Variants in COL27A1 observed in about 807,000 individuals in gnomAD.
COL27A1 encodes collagen type XXVII alpha 1 chain, also known as collagen alpha-1(XXVII) chain.
In COL27A1, 106 loss-of-function variants were observed where a neutral mutation model predicts 251.3. The ratio of observed to expected loss-of-function variants is 0.42; its 90% confidence interval spans 0.36 to 0.50. The LOEUF (loss-of-function observed/expected upper bound fraction) is 0.50, where lower values mean the gene tolerates loss of function less well. Ranked by LOEUF, COL27A1 falls within the 20% of genes least tolerant of loss-of-function variation. The pLI is 0.00. For synonymous variants in COL27A1, 1,000 were observed against 986.3 expected (o/e 1.01, Z -0.26); for missense variants, 2,325 against 2,522.8 (o/e 0.92, Z 1.68).
intron 5 of COL27A1, among the ~76,000 whole-genome samples, chr9:114,188,321 T>C (rs62555383): frequency 7.6e-4 from 115 of 152,252 alleles, no homozygotes; most frequent in Admixed American, 4.7e-3. Context: ...ACCTGAGAGG[T>C]GATTCTACCT....
chr9:114,197,750 T>C (rs1057036122), intron 7 of COL27A1, among the ~76,000 whole-genome samples: 2 of 152,258 alleles, frequency 1.3e-5, no homozygotes, highest in African/African-American at 2.4e-5. Context: ...GAAAAGCCAC[T>C]GCGCAGCTGG....
At chr9:114,253,241 A>G (rs1033888470) in intron 27 of COL27A1, among the ~76,000 whole-genome samples, 2 of 151,044 alleles carry the variant, frequency 1.3e-5, no homozygotes, top group Non-Finnish European at 2.9e-5. Context: ...CCTGGGTGAT[A>G]GAGCTAGACC....
intron 7 of COL27A1, among the ~76,000 whole-genome samples, chr9:114,198,876 G>T (rs2567712): frequency 0.73 from 110,636 of 152,052 alleles, 41,376 homozygotes; most frequent in Non-Finnish European, 0.8. Context: ...ACCTTGCTGG[G>T]CCTCAGCTGC....
At chr9:114,211,128 C>T in intron 12 of COL27A1, 102 bp downstream of exon 12, 3 of 1,246,500 alleles carry the variant, frequency 2.4e-6, no homozygotes, top group South Asian at 2.4e-5. Flanking sequence ...TCTGCTTCTC[C>T]CCCTGCTTTG....
At chr9:114,248,824 TTC>T (rs1588763343) in intron 24 of COL27A1, among the ~76,000 whole-genome samples, 1 of 152,340 alleles carries the variant, frequency 6.6e-6, no homozygotes. Context: ...GCTATGAAAT[TTC>T]TGTTTCTCTG....
intron 3 of COL27A1, among the ~76,000 whole-genome samples, chr9:114,169,953 G>A (rs759013525): frequency 3.0e-4 from 46 of 152,226 alleles, no homozygotes; most frequent in Non-Finnish European, 5.3e-4. Flanking sequence ...TGTTTGGCAC[G>A]TGCAGTGTTC....
intron 12 of COL27A1, among the ~76,000 whole-genome samples, chr9:114,214,204 C>G (rs542194046): frequency 6.6e-6 from 1 of 152,246 alleles, no homozygotes; most frequent in Non-Finnish European, 1.5e-5. Context: ...TGCTCCCAAC[C>G]CCTTGATCTG....
chr9:114,306,483 C>G (rs748729246), intron 57 of COL27A1, 37 bp from the exon 58 acceptor site: 1 of 1,609,322 alleles, frequency 6.2e-7, no homozygotes, highest in Non-Finnish European at 8.5e-7. Context: ...TGGACCAGGA[C>G]CCTAAGGTCC....
intron 49 of COL27A1, among the ~76,000 whole-genome samples, chr9:114,297,539 A>G (rs760231801): frequency 3.9e-5 from 6 of 152,362 alleles, no homozygotes; most frequent in South Asian, 2.1e-4. Flanking sequence ...AAATCAATCA[A>G]TGTAATACAC....
In COL27A1 at chr9:114,288,480, C is replaced by T; in HGVS notation, c.4013C>T (p.Ala1338Val). The T allele has an allele frequency of 6.2e-7, 1 of 1,609,880 alleles. No individual in the cohort carries two copies. The highest frequency in any genetic ancestry group is 8.5e-7 in the Non-Finnish European group (1 of 1,178,858). ...GGGGAGCAGGGCGAGGACGGCAAGG[C>T]TGAGGGGCCCCCTGGGCCACCTGGA... ...EKGEQGEDGKAEGPPGPPGDR... is the reference protein window; with the variant it reads ...EKGEQGEDGKVEGPPGPPGDR... The change falls in exon 42 of 61, where the codon GCT (alanine) becomes GTT (valine). Residue 1338 changes from alanine to valine, a missense_variant. By Grantham distance (64) the Ala-to-Val change is moderately conservative (BLOSUM62 0). This residue lies in a region of COL27A1 where 662 missense variants were observed against 795.3 expected (regional missense o/e 0.83). Transcript: ENST00000356083.
Position 114,292,134 on chromosome 9 carries a change from C to T in COL27A1, c.4508C>T (p.Pro1503Leu), listed in dbSNP as rs748604003. The T allele has an allele frequency of 3.8e-6, 6 of 1,560,508 alleles. No individual in the cohort carries two copies. The highest frequency in any genetic ancestry group is 1.4e-5 in the African/African-American group (1 of 73,434). Residue 1503 changes from proline (P) to leucine (L), a missense_variant, in exon 49 of 61, where the codon CCC (proline) becomes CTC (leucine). Coordinates refer to ENST00000356083, the MANE Select transcript of COL27A1 (RefSeq NM_032888.4). ...GESGLPGQLGPPGKRGTEGRT... is the reference protein window; with the variant it reads ...GESGLPGQLGLPGKRGTEGRT... ...AGTGGGTTACCCGGACAGCTGGGTC[C>T]CCCTGGCAAGCGAGGAACAGAGGGC... is the stretch of plus-strand genomic sequence containing the variant.
chr9:114,166,368 A>AGTCCATCCATCCATCC (rs1554786336), intron 2 of COL27A1, among the ~76,000 whole-genome samples: 2 of 37,080 alleles, frequency 5.4e-5, no homozygotes, highest in Non-Finnish European at 1.8e-4. Flanking sequence ...TCCATCCATC[A>AGTCCATCCATCCATCC]ATCCATCCAT....
intron 42 of COL27A1, 60 bp from the exon 43 acceptor site, chr9:114,288,642 C>T: frequency 6.3e-7 from 1 of 1,581,442 alleles, no homozygotes; most frequent in Non-Finnish European, 8.6e-7. Context: ...CCAACAGGGC[C>T]CAGGGCTGGC....
Position 114,282,467 on chromosome 9 carries a change from G to T in COL27A1, c.3782G>T (p.Gly1261Val). The change falls in exon 39 of 61, where the codon GGC becomes GTC. Residue 1261 changes from glycine (G) to valine (V), a missense_variant. Physicochemically the swap from Gly to Val is moderately radical, Grantham distance 109. Coordinates refer to ENST00000356083, the MANE Select transcript of COL27A1 (RefSeq NM_032888.4). ...TTCCTCCTGTTGCAGGGTGCCAAGGGCTATCAAGGACAGCTGGGTGAGATG... is the reference window on the plus strand; with the variant it reads ...TTCCTCCTGTTGCAGGGTGCCAAGGTCTATCAAGGACAGCTGGGTGAGATG... Reference protein sequence around the residue: ...KGRTGAKGAKGYQGQLGEMGV... With the variant: ...KGRTGAKGAKVYQGQLGEMGV... 1 of 1,604,372 alleles carries T rather than the reference G, an allele frequency of 6.2e-7. No individual in the cohort carries two copies. The highest frequency in any genetic ancestry group is 8.5e-7 in the Non-Finnish European group (1 of 1,175,688).
Position 114,195,944 on chromosome 9 carries a change from G to A in COL27A1, c.2071-15G>A. 6.2e-7 allele frequency: 1 copy of A among 1,609,024 alleles called. No homozygotes were observed. The highest frequency in any genetic ancestry group is 1.3e-5 in the African/African-American group (1 of 74,986). On this transcript the variant is annotated splice_polypyrimidine_tract_variant and intron_variant, in intron 6 of 60. Coordinates refer to ENST00000356083, the MANE Select transcript of COL27A1 (RefSeq NM_032888.4). ...CCCGTTTTCCTGCCTCACCCACCTT[G>A]TCTGTGTCTTCCAGGGTGACATGGG...
chr9:114,247,282 G>A lies in COL27A1; in HGVS notation c.2979+1372G>A, dbSNP rs964126212. Among the ~76,000 whole-genome samples, 3 of 152,308 alleles carry A rather than the reference G, an allele frequency of 2.0e-5. No homozygotes were observed. The South Asian group carries it at 6.2e-4, about 32-fold the overall frequency. ...TGTATTTTGAGATCTCTGCAGCAAT[G>A]ATTGTAATGTGCCATGTCACTTTCT... is the stretch of plus-strand genomic sequence containing the variant. On this transcript the variant is annotated intron_variant, in intron 24 of 60. Coordinates refer to ENST00000356083, the MANE Select transcript of COL27A1 (RefSeq NM_032888.4).
chr9:114,154,195 A>G (rs1187326462), upstream of COL27A1, among the ~76,000 whole-genome samples: 1 of 152,030 alleles, frequency 6.6e-6, no homozygotes, highest in East Asian at 1.9e-4. The surrounding 1 kb of genome is among the most constrained non-coding windows in gnomAD (Gnocchi z 5.8). Flanking sequence ...TCGGCGGCGC[A>G]GTCCCGCGCG....
At chr9:114,177,902 T>TCA (rs1265233787) in intron 3 of COL27A1, among the ~76,000 whole-genome samples, 1 of 152,186 alleles carries the variant, frequency 6.6e-6, no homozygotes, top group Non-Finnish European at 1.5e-5. Flanking sequence ...GGCAGATGAC[T>TCA]CATATCCCCT....
At chr9:114,240,136 C>G (rs1302938359) in intron 19 of COL27A1, 84 bp from the exon 20 acceptor site, 9 of 1,244,958 alleles carry the variant, frequency 7.2e-6, no homozygotes, top group Middle Eastern at 1.8e-4. Flanking sequence ...AGATGGAAAC[C>G]CGGTCAGTCT....
Sources: allele counts gnomAD v4.1 joint callset (sites outside exome capture counted in the v4.1 genomes callset), GRCh38; gene constraint gnomAD v4.1.1; regional missense constraint gnomAD v4.1.1; non-coding constraint Gnocchi (gnomAD v3.1); transcripts MANE v1.5; gene names NCBI Gene and HGNC (gene_info 2026-07-23, HGNC 2026-07-21).